Variants in BCKDHA observed in about 807,000 individuals in gnomAD.
The protein encoded by BCKDHA is 2-oxoisovalerate dehydrogenase subunit alpha, mitochondrial.
Under a neutral mutation model 52.2 loss-of-function variants are expected in BCKDHA, and 43 were observed. The observed-to-expected ratio is 0.82, with a 90% CI of 0.64 to 1.06. BCKDHA has a LOEUF of 1.06. Ranked by LOEUF, BCKDHA falls within the 50% of genes least tolerant of loss-of-function variation. The pLI is 0.00. For missense variants in BCKDHA, 527 were observed against 621.3 expected (o/e 0.85, Z 1.61); for synonymous variants, 234 against 247.9 (o/e 0.94, Z 0.53).
At chr19:41,407,136 C>T (rs1286224364) in intron 1 of BCKDHA, among the ~76,000 whole-genome samples, 1 of 152,130 alleles carries the variant, frequency 6.6e-6, no homozygotes, top group African/African-American at 2.4e-5. Context: ...TCTCACCTTC[C>T]TAGATTTTGT....
intron 5 of BCKDHA, among the ~76,000 whole-genome samples, chr19:41,421,758 G>C (rs999818677): frequency 2.6e-5 from 4 of 152,122 alleles, no homozygotes; most frequent in Non-Finnish European, 5.9e-5. Context: ...CCTCTTCATG[G>C]AATCCGCGGG....
intron 1 of BCKDHA, among the ~76,000 whole-genome samples, chr19:41,398,916 G>A (rs981945420): frequency 2.0e-5 from 3 of 152,148 alleles, no homozygotes; most frequent in African/African-American, 7.2e-5. Flanking sequence ...ATAGGGCTGT[G>A]AAAAATCAAT....
At chr19:41,406,064 C>T (rs1488302606) in intron 1 of BCKDHA, among the ~76,000 whole-genome samples, 2 of 152,114 alleles carry the variant, frequency 1.3e-5, no homozygotes, top group Admixed American at 6.6e-5. Context: ...TCCTCAGGAC[C>T]AGGCACAGCG....
intron 3 of BCKDHA, among the ~76,000 whole-genome samples, chr19:41,413,577 T>G (rs1053436616): frequency 2.0e-5 from 3 of 152,186 alleles, no homozygotes; most frequent in African/African-American, 7.2e-5. Flanking sequence ...AAAACACAGG[T>G]CTGACCACAT....
intron 1 of BCKDHA, among the ~76,000 whole-genome samples, chr19:41,402,350 G>C (rs2039147463): frequency 6.6e-6 from 1 of 152,182 alleles, no homozygotes; most frequent in Non-Finnish European, 1.5e-5. Flanking sequence ...TCTCTTACTT[G>C]CTAGTGTGTT....
intron 1 of BCKDHA, among the ~76,000 whole-genome samples, chr19:41,406,032 C>T (rs986633946): frequency 6.6e-6 from 1 of 152,162 alleles, no homozygotes; most frequent in Admixed American, 6.6e-5. Flanking sequence ...CATTTGGCCA[C>T]CCACTCCCAT....
chr19:41,418,905 C>G (rs1051703789), intron 4 of BCKDHA: 1 of 553,322 alleles, frequency 1.8e-6, no homozygotes, highest in Non-Finnish European at 3.3e-6. Flanking sequence ...CACTTAAATA[C>G]CAGACAATAT....
intron 4 of BCKDHA, among the ~76,000 whole-genome samples, chr19:41,418,274 A>G (rs1250922970): frequency 2.0e-5 from 3 of 152,090 alleles, no homozygotes; most frequent in African/African-American, 7.2e-5. Context: ...CGCTGCCCCT[A>G]AAGTGTTGGT....
At chr19:41,404,716 C>T in intron 1 of BCKDHA, among the ~76,000 whole-genome samples, 1 of 152,168 alleles carries the variant, frequency 6.6e-6, no homozygotes, top group East Asian at 1.9e-4. Context: ...GCCTCAGCCT[C>T]CTGAGTAGCT....
intron 4 of BCKDHA, among the ~76,000 whole-genome samples, chr19:41,415,647 T>C (rs1290274483): frequency 6.6e-6 from 1 of 151,926 alleles, no homozygotes; most frequent in Non-Finnish European, 1.5e-5. Flanking sequence ...GTTCTTTTTT[T>C]CTTCTCCTTT....
At chr19:41,406,306 C>T (rs2039192199) in intron 1 of BCKDHA, among the ~76,000 whole-genome samples, 1 of 152,228 alleles carries the variant, frequency 6.6e-6, no homozygotes. Context: ...TAGTGCCCGT[C>T]TGAAGACTTC....
intron 1 of BCKDHA, among the ~76,000 whole-genome samples, chr19:41,400,873 G>A (rs932999510): frequency 1.3e-5 from 2 of 151,548 alleles, no homozygotes; most frequent in Non-Finnish European, 2.9e-5. Context: ...TTAGCTGGGC[G>A]TAATGGCGTG....
At chr19:41,418,919 A>G (rs557033443) in intron 4 of BCKDHA, 10 of 582,310 alleles carry the variant, frequency 1.7e-5, no homozygotes, top group Middle Eastern at 2.8e-4. Context: ...ACAATATCTC[A>G]CTAAGAGAAA....
rs1159645644 is a variant in BCKDHA, at chr19:41,397,886, C to T, written c.59C>T (p.Ala20Val). Residue 20 changes from alanine to valine, a missense_variant, in exon 1 of 9, where the codon GCT becomes GTT. Transcript: ENST00000269980. ...VWRLNRGLSQ[A>V]ALLLLRQPGA... ...CGGCTAAACCGTGGTTTGAGCCAGG[C>T]TGCCCTCCTGCTGCTGCGGCAGCCT... 3 of 1,614,034 alleles carry T rather than the reference C, an allele frequency of 1.9e-6. No homozygotes were observed. Among genetic ancestry groups the T allele is most frequent in the Non-Finnish European group, 1.7e-6 (2 of 1,180,046 alleles).
intron 4 of BCKDHA, among the ~76,000 whole-genome samples, chr19:41,415,898 C>T (rs2122125792): frequency 6.7e-6 from 1 of 150,010 alleles, no homozygotes; most frequent in Middle Eastern, 3.5e-3. Context: ...CCGCCCTCCT[C>T]CACCTCCTAA....
At chr19:41,414,345 A>G (rs1238461011) in intron 4 of BCKDHA, among the ~76,000 whole-genome samples, 188 bp downstream of exon 4, 1 of 152,224 alleles carries the variant, frequency 6.6e-6, no homozygotes, top group African/African-American at 2.4e-5. Context: ...TCTGAAGGCC[A>G]GAAAGTGTAG....
intron 1 of BCKDHA, among the ~76,000 whole-genome samples, chr19:41,410,402 T>G (rs1021227063): frequency 6.6e-6 from 1 of 152,190 alleles, no homozygotes; most frequent in Non-Finnish European, 1.5e-5. Context: ...GTGTTAACTG[T>G]TTTCATCCCA....
rs201343587 is a variant in BCKDHA, at chr19:41,419,746, CTTTTTTTTTTTTTTTT to C, written c.646+468_646+483del. Among the ~76,000 whole-genome samples the C allele has an allele frequency of 2.3e-5, 3 of 127,850 alleles. 1 individual carries two copies. Among genetic ancestry groups the C allele is most frequent in the South Asian group, 5.3e-4 (2 of 3,758 alleles). The allele number at this position is 127,850 out of a possible 152,430, so 83.9% of individuals were successfully genotyped here. A position where few individuals can be genotyped will look rare whatever the true frequency, so the allele number is the denominator to read the frequency against. ...CGTTTAAGCCATTGTGCCCAGCCCA[CTTTTTTTTTTTTTTTT>C]TTTTTTTTTTTTTTTTTGGTCTGAG... On this transcript the variant is annotated intron_variant, in intron 5 of 8. Transcript: ENST00000269980.
intron 1 of BCKDHA, chr19:41,399,331 C>CTT (rs11307304): frequency 6.1e-4 from 56 of 91,852 alleles, no homozygotes; most frequent in East Asian, 1.1e-3. Flanking sequence ...GACCTTTTCA[C>CTT]TTTTTTTTTT....
Sources: allele counts gnomAD v4.1 joint callset (sites outside exome capture counted in the v4.1 genomes callset), GRCh38; gene constraint gnomAD v4.1.1; transcripts MANE v1.5; gene names NCBI Gene and HGNC (gene_info 2026-07-23, HGNC 2026-07-21).